The following DNAJC6 variants were observed in gnomAD, a reference collection of about 807,000 sequenced individuals.
DNAJC6 encodes the protein DnaJ heat shock protein family (Hsp40) member C6.
Under a neutral mutation model 110.0 loss-of-function variants are expected in DNAJC6, and 34 were observed. The observed-to-expected ratio is 0.31, with a 90% CI of 0.24 to 0.41. DNAJC6 has a LOEUF of 0.41. Among genes scored for constraint, DNAJC6 ranks in the 10% least tolerant of loss-of-function variants. The pLI is 1.00. For synonymous variants in DNAJC6, 406 were observed against 437.2 expected (o/e 0.93, Z 0.89); for missense variants, 1,031 against 1,207.8 (o/e 0.85, Z 2.17).
At chr1:65,310,085 G>A (rs1645084586) in intron 1 of DNAJC6, 147 bp downstream of exon 1, 1 of 909,462 alleles carries the variant, frequency 1.1e-6, no homozygotes, top group Non-Finnish European at 1.5e-6. Flanking sequence ...TACCACCTGG[G>A]TGTCGAGTCT....
intron 1 of DNAJC6, among the ~76,000 whole-genome samples, chr1:65,275,792 A>C (rs893189267): frequency 2.0e-5 from 3 of 151,108 alleles, no homozygotes. Flanking sequence ...TTGCTGGCCT[A>C]TCTTAGAGCT....
At chr1:65,316,693 A>T (rs946640069) in intron 1 of DNAJC6, among the ~76,000 whole-genome samples, 3 of 152,236 alleles carry the variant, frequency 2.0e-5, no homozygotes, top group African/African-American at 7.2e-5. Context: ...TTTAACAGAA[A>T]TGAGGCCAGG....
chr1:65,329,921 T>C (rs1645272614), intron 1 of DNAJC6, among the ~76,000 whole-genome samples: 1 of 152,240 alleles, frequency 6.6e-6, no homozygotes, highest in Non-Finnish European at 1.5e-5. Context: ...CTTGTAGTTC[T>C]TTCCCTTGGT....
chr1:65,392,807 A>G lies in DNAJC6; in HGVS notation c.1845A>G (p.Ser615=), dbSNP rs2101614479. Residue 615 remains serine, a synonymous_variant, in exon 12 of 19, where the codon TCA becomes TCG. Transcript: ENST00000371069. ...FHPSGPASTQ[S]TPRRSATSTS... ...CTAGTGGACCTGCGTCTACCCAGTCAACACCACGCCGCTCTGCCACCTCCA... is the reference window on the plus strand; with the variant it reads ...CTAGTGGACCTGCGTCTACCCAGTCGACACCACGCCGCTCTGCCACCTCCA... 1 of 1,581,436 alleles carries G rather than the reference A, an allele frequency of 6.3e-7. No individual in the cohort carries two copies. Among genetic ancestry groups the G allele is most frequent in the Non-Finnish European group, 8.6e-7 (1 of 1,165,728 alleles).
rs568572537 is a variant in DNAJC6, at chr1:65,369,080, T to C, written c.543+2884T>C. 9.9e-5 allele frequency among the ~76,000 whole-genome samples: 15 copies of C among 152,190 alleles called. 1 individual carries two copies. In the East Asian group the frequency reaches 2.5e-3, roughly 26 times the overall value. On this transcript the variant is annotated intron_variant, in intron 4 of 18. Coordinates refer to ENST00000371069, the MANE Select transcript of DNAJC6 (RefSeq NM_001256864.2). The stretch of plus-strand genomic sequence containing the variant: ...CCACCACCCCCAGCCCATCTTCTTC[T>C]TTATTTGCCTAATTTTGCTAAGGAG...
At chr1:65,342,436 G>A (rs999679894) in intron 1 of DNAJC6, among the ~76,000 whole-genome samples, 2 of 152,164 alleles carry the variant, frequency 1.3e-5, no homozygotes, top group Admixed American at 6.5e-5. Flanking sequence ...GGAGGATACA[G>A]GGAGAAGATG....
chr1:65,307,014 C>CTATATATATA (rs1330055090), upstream of DNAJC6, among the ~76,000 whole-genome samples: 2 of 75,978 alleles, frequency 2.6e-5, no homozygotes, highest in African/African-American at 1.1e-4. Context: ...CTCTCTCTCT[C>CTATATATATA]TCTCTATATA....
Position 65,392,769 on chromosome 1 carries a change from G to A in DNAJC6, c.1807G>A (p.Asp603Asn). 6.2e-7 allele frequency: 1 copy of A among 1,611,670 alleles called. No homozygotes were observed. The highest frequency in any genetic ancestry group is 1.1e-5 in the South Asian group (1 of 90,562). Residue 603 changes from aspartate to asparagine, a missense_variant, in exon 12 of 19, where the codon GAT (aspartate) becomes AAT (asparagine). By Grantham distance (23) the Asp-to-Asn change is conservative. Coordinates refer to ENST00000371069, the MANE Select transcript of DNAJC6 (RefSeq NM_001256864.2). ...PTQAGQSGVE[D>N]VFHPSGPAST... ...CCAGGCTGGACAGTCAGGAGTGGAA[G>A]ATGTGTTTCATCCTAGTGGACCTGC...
chr1:65,290,932 T>C (rs753489138), intron 1 of DNAJC6, among the ~76,000 whole-genome samples: 13 of 152,170 alleles, frequency 8.5e-5, no homozygotes, highest in Non-Finnish European at 1.9e-4. Flanking sequence ...AATTAAGAGG[T>C]GAAGTAAAAT....
intron 4 of DNAJC6, among the ~76,000 whole-genome samples, chr1:65,371,830 G>A (rs1645709335): frequency 6.6e-6 from 1 of 152,182 alleles, no homozygotes; most frequent in African/African-American, 2.4e-5. Flanking sequence ...CGAAGTGTCA[G>A]CTACTGCATG....
chr1:65,332,524 T>A (rs960593427), intron 1 of DNAJC6, among the ~76,000 whole-genome samples: 3 of 152,216 alleles, frequency 2.0e-5, no homozygotes, highest in Non-Finnish European at 2.9e-5. Context: ...AGAAGCTCAT[T>A]ATCAGCAATG....
chr1:65,333,081 G>A (rs926387037), intron 1 of DNAJC6, among the ~76,000 whole-genome samples: 4 of 152,092 alleles, frequency 2.6e-5, no homozygotes, highest in African/African-American at 9.7e-5. Context: ...TCCAGTTTGG[G>A]CATTTGGGTT....
rs58720709 is a variant in DNAJC6, at chr1:65,408,065, G to A, written c.2492-576G>A. Among the ~76,000 whole-genome samples, 164 of 152,302 alleles carry A rather than the reference G, an allele frequency of 1.1e-3. 1 individual carries two copies. The highest frequency in any genetic ancestry group is 3.4e-3 in the African/African-American group (140 of 41,570). ...GGAAGTTGAGGAGTAGAGATAATAA[G>A]TAACTTGCCTAGATTACATCACTAA... is the stretch of plus-strand genomic sequence containing the variant. On this transcript the variant is annotated intron_variant, in intron 16 of 18. Transcript: ENST00000371069.
At chr1:65,294,556 T>C (rs1352123896) in intron 1 of DNAJC6, among the ~76,000 whole-genome samples, 5 of 152,200 alleles carry the variant, frequency 3.3e-5, no homozygotes, top group African/African-American at 7.2e-5. Flanking sequence ...AAGTGGCTAT[T>C]GAGCATTTGA....
intron 1 of DNAJC6, among the ~76,000 whole-genome samples, chr1:65,266,624 A>G (rs1020145907): frequency 6.6e-6 from 1 of 152,178 alleles, no homozygotes; most frequent in African/African-American, 2.4e-5. Flanking sequence ...AGTATTTTAA[A>G]ATTAACTCTA....
intron 1 of DNAJC6, among the ~76,000 whole-genome samples, chr1:65,275,053 T>C (rs930907030): frequency 6.6e-6 from 1 of 152,210 alleles, no homozygotes. Flanking sequence ...GCCTTTTGTA[T>C]TATTATTGTA....
chr1:65,399,907 G>A (rs35782988), intron 14 of DNAJC6, among the ~76,000 whole-genome samples: 67,255 of 151,788 alleles, frequency 0.44, 15,604 homozygotes, highest in Middle Eastern at 0.58. Context: ...TGGCTGGGGC[G>A]TGGTGGCTCA....
rs1351963761 is a variant in DNAJC6 at position 65,385,917 on chromosome 1, A to G, written c.995+11A>G. 2 of 1,588,804 alleles carry G rather than the reference A, an allele frequency of 1.3e-6. No individual in the cohort carries two copies. The highest frequency in any genetic ancestry group is 8.6e-7 in the Non-Finnish European group (1 of 1,161,402). On this transcript the variant is annotated intron_variant, in intron 7 of 18. Transcript: ENST00000371069. The stretch of plus-strand genomic sequence containing the variant: ...TTTTGAACGAATGAAGTAAGTCATG[A>G]TACTTTACTTCTTCCTATGTACTTC...
At position 65,414,933 on chromosome 1, in the gene DNAJC6, T is replaced by A. The variant is rs1646158072; in HGVS notation, c.*1908T>A. On this transcript the variant is annotated 3_prime_UTR_variant, in exon 19 of 19. Transcript: ENST00000371069. ...AAATGATAGAACTACATTAGCTTTG[T>A]ATCATGTTTGGATAATTCATCAATG... 1 of 152,646 alleles carries A rather than the reference T, an allele frequency of 6.6e-6. No homozygotes were observed. The highest frequency in any genetic ancestry group is 2.4e-5 in the African/African-American group (1 of 41,480). 9.5% of individuals were successfully genotyped at this position (152,646 alleles called of 1,614,324 possible).
Sources: allele counts gnomAD v4.1 joint callset (sites outside exome capture counted in the v4.1 genomes callset), GRCh38; gene constraint gnomAD v4.1.1; transcripts MANE v1.5; gene names NCBI Gene and HGNC (gene_info 2026-07-23, HGNC 2026-07-21).